The following KMT2C variants were observed in gnomAD, a reference collection of about 807,000 sequenced individuals.
KMT2C encodes the protein lysine methyltransferase 2C, also known as histone-lysine N-methyltransferase 2C.
A neutral mutation model predicts 507.9 loss-of-function variants in KMT2C; 88 were observed. The observed-to-expected ratio is 0.17, with a 90% CI of 0.15 to 0.21. KMT2C has a LOEUF of 0.21. Among genes scored for constraint, KMT2C ranks in the 10% least tolerant of loss-of-function variants. The pLI is 1.00. For missense variants in KMT2C, 4,954 were observed against 5,957.8 expected, an observed-to-expected ratio of 0.83 and a Z score of 5.55; for synonymous variants, 2,049 against 2,080.8, an observed-to-expected ratio of 0.98 and a Z score of 0.42.
At chr7:152,428,361 C>T (rs564151167) in intron 1 of KMT2C, among the ~76,000 whole-genome samples, 1 of 151,012 alleles carries the variant, frequency 6.6e-6, no homozygotes, top group South Asian at 2.1e-4. Context: ...GCCTGTAATC[C>T]CATCATTTTG....
intron 24 of KMT2C, among the ~76,000 whole-genome samples, chr7:152,206,298 A>C (rs972923489): frequency 4.6e-5 from 7 of 152,180 alleles, no homozygotes; most frequent in African/African-American, 1.7e-4. Flanking sequence ...AAGAAAAAAA[A>C]AACGGTAAAT....
At chr7:152,139,084 G>T in intron 57 of KMT2C, 102 bp downstream of exon 57, 3 of 1,176,042 alleles carry the variant, frequency 2.6e-6, no homozygotes, top group Non-Finnish European at 3.8e-6. Flanking sequence ...TTTAGTCACC[G>T]CCAGGCTGCC....
intron 2 of KMT2C, among the ~76,000 whole-genome samples, chr7:152,357,395 G>A (rs967255955): frequency 6.6e-6 from 1 of 152,066 alleles, no homozygotes; most frequent in African/African-American, 2.4e-5. Context: ...GTGGTGGCGG[G>A]CGCCTGTAGT....
rs770928222 is a variant in KMT2C, at chr7:152,152,932, G to A, written c.12299C>T (p.Ala4100Val). Residue 4100 changes from alanine to valine, a missense_variant, in exon 49 of 59, where the codon GCA becomes GTA. Transcript: ENST00000262189. ...AAENISSVVA[A>V]FSDLLHVRIP... Reference sequence around the variant, plus strand: ...TCGGACGTGAAGAAGGTCGGAAAATGCAGCCACAACACTGCTAATGTTCTA... The same window carrying A: ...TCGGACGTGAAGAAGGTCGGAAAATACAGCCACAACACTGCTAATGTTCTA... The A allele has an allele frequency of 6.2e-7, 1 of 1,614,166 alleles. No individual in the cohort carries two copies. Among genetic ancestry groups the A allele is most frequent in the Non-Finnish European group, 8.5e-7 (1 of 1,180,026 alleles).
chr7:152,337,376 T>C (rs911689873), intron 2 of KMT2C, among the ~76,000 whole-genome samples: 3 of 152,222 alleles, frequency 2.0e-5, no homozygotes, highest in Non-Finnish European at 2.9e-5. Flanking sequence ...GTGCCAGGCA[T>C]TATCTCTGGG....
intron 52 of KMT2C, 52 bp downstream of exon 52, chr7:152,147,981 G>A: frequency 1.3e-6 from 2 of 1,481,776 alleles, no homozygotes; most frequent in Non-Finnish European, 1.8e-6. Context: ...ACATTCATTA[G>A]CCTGACATCA....
At chr7:152,160,358 G>A (rs909832346) in intron 43 of KMT2C, among the ~76,000 whole-genome samples, 2 of 151,876 alleles carry the variant, frequency 1.3e-5, no homozygotes, top group East Asian at 1.9e-4. Flanking sequence ...CAGAAATACC[G>A]GGGCTGGAGC....
chr7:152,338,258 C>T (rs896760971), intron 2 of KMT2C, among the ~76,000 whole-genome samples: 2 of 152,120 alleles, frequency 1.3e-5, no homozygotes, highest in African/African-American at 4.8e-5. Context: ...TAGCCCCCTC[C>T]GATCTATGCT....
chr7:152,311,860 T>A lies in KMT2C; in HGVS notation c.677A>T (p.Asp226Val), dbSNP rs1435161289. ...ASDDQAGKLW[D>V]ELSLVGLPDA... Reference sequence around the variant, plus strand: ...TGGAAGCCCAACCAGACTGAGTTCATCCCACAGTTTACCAGCTTGATCATC... The same window carrying A: ...TGGAAGCCCAACCAGACTGAGTTCAACCCACAGTTTACCAGCTTGATCATC... Residue 226 changes from aspartate to valine, a missense_variant, in exon 5 of 59, where the codon GAT (aspartate) becomes GTT (valine). By Grantham distance (152) the Asp-to-Val change is radical. Coordinates refer to ENST00000262189, the MANE Select transcript of KMT2C (RefSeq NM_170606.3). 1 of 1,612,078 alleles carries A rather than the reference T, an allele frequency of 6.2e-7. No individual in the cohort carries two copies. Among genetic ancestry groups the A allele is most frequent in the Non-Finnish European group, 8.5e-7 (1 of 1,178,538 alleles).
chr7:152,228,057 CT>C (rs2129149773), intron 18 of KMT2C, among the ~76,000 whole-genome samples: 1 of 152,222 alleles, frequency 6.6e-6, no homozygotes, highest in East Asian at 1.9e-4. Flanking sequence ...TTTAATTTGC[CT>C]TTTTTCACTT....
At position 152,155,918 on chromosome 7, in the gene KMT2C, T is replaced by C; in HGVS notation, c.11952A>G (p.Glu3984=). ...SLPTPPHNNQ[E]ELRIQDHCGD... Reference sequence around the variant, plus strand: ...AAAAAAATAACCTGTACCTTAATTCTTCCTGATTGTTATGAGGTGGTGTTG... The same window carrying C: ...AAAAAAATAACCTGTACCTTAATTCCTCCTGATTGTTATGAGGTGGTGTTG... Residue 3984 remains glutamate (E), a synonymous_variant, in exon 46 of 59, where the codon GAA becomes GAG. Coordinates refer to ENST00000262189, the MANE Select transcript of KMT2C (RefSeq NM_170606.3). 1 of 1,595,426 alleles carries C rather than the reference T, an allele frequency of 6.3e-7. No homozygotes were observed. The highest frequency in any genetic ancestry group is 8.5e-7 in the Non-Finnish European group (1 of 1,176,024).
At chr7:152,339,820 A>T (rs1169833803) in intron 2 of KMT2C, among the ~76,000 whole-genome samples, 2 of 152,176 alleles carry the variant, frequency 1.3e-5, no homozygotes, top group African/African-American at 4.8e-5. Context: ...TATATAATAT[A>T]AAGCAAGCAG....
chr7:152,174,360 G>C, intron 38 of KMT2C, 118 bp from the exon 39 acceptor site: 1 of 579,698 alleles, frequency 1.7e-6, no homozygotes, highest in South Asian at 2.5e-5. Context: ...ACAGATTTCT[G>C]AGATGGCAAC....
At chr7:152,205,265 C>A in intron 24 of KMT2C, 40 bp from the exon 25 acceptor site, 2 of 1,582,930 alleles carry the variant, frequency 1.3e-6, no homozygotes, top group South Asian at 1.1e-5. Context: ...TAAGTAATTT[C>A]TCCCTACATT....
intron 9 of KMT2C, among the ~76,000 whole-genome samples, chr7:152,259,489 C>CACAG (rs1475340079): frequency 1.0e-3 from 114 of 113,878 alleles, no homozygotes; most frequent in African/African-American, 2.6e-3. Flanking sequence ...CACACACACA[C>CACAG]AGAGAAAGCA....
intron 6 of KMT2C, among the ~76,000 whole-genome samples, chr7:152,306,775 G>A (rs879418660): frequency 3.3e-5 from 5 of 152,130 alleles, no homozygotes; most frequent in Non-Finnish European, 7.4e-5. Context: ...GTTGTTTTAT[G>A]TTTGAATTTT....
At chr7:152,418,712 G>A (rs923987656) in intron 1 of KMT2C, among the ~76,000 whole-genome samples, 2 of 152,132 alleles carry the variant, frequency 1.3e-5, no homozygotes, top group Admixed American at 6.5e-5. Context: ...TTACAGTCGT[G>A]AGCGACAGCA....
chr7:152,429,709 C>T (rs1303063496), intron 1 of KMT2C, among the ~76,000 whole-genome samples: 4 of 151,306 alleles, frequency 2.6e-5, no homozygotes, highest in Non-Finnish European at 3.0e-5. Context: ...TTGGTAGAGA[C>T]GGGGTTTCAC....
intron 2 of KMT2C, among the ~76,000 whole-genome samples, chr7:152,332,954 C>T (rs1010339739): frequency 4.6e-5 from 7 of 152,030 alleles, no homozygotes; most frequent in African/African-American, 1.7e-4. Flanking sequence ...CCAGTTAGCA[C>T]CCACAAGCTT....
Sources: gnomAD v4.1 joint callset for allele counts (sites outside exome capture counted in the v4.1 genomes callset) on GRCh38, gnomAD v4.1.1 for gene constraint, MANE v1.5 for transcripts, NCBI Gene and HGNC (gene_info 2026-07-23, HGNC 2026-07-21) for gene names.